The following ANO6 variants were observed in gnomAD, a reference collection of about 807,000 sequenced individuals.
ANO6 encodes the protein anoctamin-6.
In ANO6, 106 loss-of-function variants were observed where a neutral mutation model predicts 117.5. The observed-to-expected ratio is 0.90, with a 90% CI of 0.77 to 1.06. The LOEUF is 1.06. ANO6 is among the 50% of genes least tolerant of loss of function. The probability of loss-of-function intolerance (pLI) is 0.00; values close to 1 mark genes in which losing one functional copy is unlikely to be tolerated. For synonymous variants in ANO6, 367 were observed against 385.1 expected, an observed-to-expected ratio of 0.95 and a Z score of 0.55; for missense variants, 955 against 1,121.1, an observed-to-expected ratio of 0.85 and a Z score of 2.12.
intron 7 of ANO6, among the ~76,000 whole-genome samples, chr12:45,354,664 G>A (rs187623349): frequency 6.6e-6 from 1 of 152,226 alleles, no homozygotes; most frequent in Admixed American, 6.5e-5. Context: ...GGGAGAGTCT[G>A]GGGTTGAATT....
At chr12:45,247,744 T>G (rs1473564772) in intron 1 of ANO6, among the ~76,000 whole-genome samples, 2 of 152,186 alleles carry the variant, frequency 1.3e-5, no homozygotes, top group African/African-American at 4.8e-5. Flanking sequence ...TGCATGACTG[T>G]GTGAACTCCC....
intron 2 of ANO6, among the ~76,000 whole-genome samples, chr12:45,325,689 T>G (rs1028060677): frequency 6.6e-6 from 1 of 152,196 alleles, no homozygotes; most frequent in Admixed American, 6.5e-5. Context: ...ATTTATTGAC[T>G]ATTTATTGTT....
chr12:45,338,138 A>C (rs190998524), intron 3 of ANO6, among the ~76,000 whole-genome samples: 115 of 152,196 alleles, frequency 7.6e-4, no homozygotes, highest in African/African-American at 2.5e-3. Flanking sequence ...TTAGTTGCCA[A>C]AGAATATAAG....
chr12:45,332,998 A>G (rs964983227), intron 3 of ANO6, among the ~76,000 whole-genome samples: 1 of 151,886 alleles, frequency 6.6e-6, no homozygotes, highest in Non-Finnish European at 1.5e-5. Context: ...CTCTAAAATC[A>G]GTTGGATCTT....
intron 17 of ANO6, among the ~76,000 whole-genome samples, chr12:45,418,116 TATTAAC>T (rs59122639): frequency 0.054 from 8,291 of 152,234 alleles, 447 homozygotes; most frequent in East Asian, 0.31. Flanking sequence ...TCATCATTGT[TATTAAC>T]AGTAACGCTG....
At chr12:45,313,996 C>G (rs1939932195) in intron 2 of ANO6, among the ~76,000 whole-genome samples, 1 of 152,012 alleles carries the variant, frequency 6.6e-6, no homozygotes, top group Non-Finnish European at 1.5e-5. Flanking sequence ...ATACTGTTCA[C>G]CTCAGGCTCC....
At chr12:45,241,695 A>G (rs542890191) in intron 1 of ANO6, among the ~76,000 whole-genome samples, 3 of 152,014 alleles carry the variant, frequency 2.0e-5, no homozygotes, top group African/African-American at 7.2e-5. Context: ...GGTTTTATCT[A>G]CCTTTGGTCT....
chr12:45,281,662 C>T (rs531585669), intron 1 of ANO6, among the ~76,000 whole-genome samples: 1 of 152,292 alleles, frequency 6.6e-6, no homozygotes, highest in East Asian at 1.9e-4. Flanking sequence ...CCATTACCTC[C>T]CACTAGATGC....
rs1179895235 is a variant in ANO6, at chr12:45,346,650, A to T, written c.280-372A>T. Among the ~76,000 whole-genome samples, 3 of 152,224 alleles carry T rather than the reference A, an allele frequency of 2.0e-5. No individual in the cohort carries two copies. In the East Asian group the frequency reaches 5.8e-4, roughly 29 times the overall value. On this transcript the variant is annotated intron_variant, in intron 3 of 19. Coordinates refer to ENST00000320560, the MANE Select transcript of ANO6 (RefSeq NM_001025356.3). ...GGAATCTTCAACTCTGAAAACTCGT[A>T]TCAGTGAATAGGACTCAGAAAGCTC...
At chr12:45,367,849 T>C (rs1288442653) in intron 9 of ANO6, 56 bp downstream of exon 9, 12 of 1,245,600 alleles carry the variant, frequency 9.6e-6, no homozygotes, top group Admixed American at 1.7e-5. Flanking sequence ...TTTCTAATGC[T>C]AATTTAGATA....
chr12:45,365,829 T>A (rs182393599), intron 8 of ANO6, among the ~76,000 whole-genome samples: 1 of 152,312 alleles, frequency 6.6e-6, no homozygotes, highest in Admixed American at 6.5e-5. Flanking sequence ...GCTCCTCAGA[T>A]GACATGAAGC....
intron 3 of ANO6, among the ~76,000 whole-genome samples, chr12:45,344,786 A>G (rs1007616678): frequency 6.6e-6 from 1 of 152,196 alleles, no homozygotes; most frequent in African/African-American, 2.4e-5. Flanking sequence ...AAGAATCAAA[A>G]TGAGAGGATT....
At chr12:45,350,952 C>G (rs766497016) in intron 7 of ANO6, among the ~76,000 whole-genome samples, 178 bp downstream of exon 7, 2 of 152,172 alleles carry the variant, frequency 1.3e-5, no homozygotes, top group African/African-American at 2.4e-5. Flanking sequence ...TTAATTGAAT[C>G]ATTACCCATC....
chr12:45,415,227 T>C (rs891200038), intron 16 of ANO6, among the ~76,000 whole-genome samples: 2 of 152,226 alleles, frequency 1.3e-5, no homozygotes, highest in Non-Finnish European at 2.9e-5. Context: ...ATTTGTTTTT[T>C]CTTAAGTCAA....
At chr12:45,353,354 T>C (rs1026892519) in intron 7 of ANO6, among the ~76,000 whole-genome samples, 2 of 152,184 alleles carry the variant, frequency 1.3e-5, no homozygotes, top group African/African-American at 2.4e-5. Context: ...CATATGTAAA[T>C]ATTTGAGGTT....
chr12:45,410,297 A>G (rs1323078914), intron 16 of ANO6, among the ~76,000 whole-genome samples: 5 of 152,178 alleles, frequency 3.3e-5, no homozygotes, highest in Non-Finnish European at 7.4e-5. Context: ...TCTTCTGGCC[A>G]GTGGTTTCTG....
intron 2 of ANO6, among the ~76,000 whole-genome samples, chr12:45,311,163 G>A (rs895029999): frequency 7.9e-5 from 12 of 151,980 alleles, no homozygotes; most frequent in Non-Finnish European, 1.8e-4. Context: ...GCTTATCTGG[G>A]CAGTTATTCT....
At chr12:45,228,291 CTTTTTTTTTTTTTT>C (rs34786875) in intron 1 of ANO6, 1 of 162,112 alleles carries the variant, frequency 6.2e-6, no homozygotes, top group Non-Finnish European at 1.1e-5. Flanking sequence ...CCAGGCCCTC[CTTTTTTTTTTTTTT>C]TTTTTTTTTT....
intron 3 of ANO6, among the ~76,000 whole-genome samples, chr12:45,345,197 T>C (rs74083334): frequency 0.018 from 2,756 of 152,290 alleles, 78 homozygotes; most frequent in African/African-American, 0.063. Flanking sequence ...ATTAAAGATA[T>C]AAAAACAAAG....
Sources: gnomAD v4.1 joint callset for allele counts (sites outside exome capture counted in the v4.1 genomes callset) on GRCh38, gnomAD v4.1.1 for gene constraint, MANE v1.5 for transcripts, NCBI Gene and HGNC (gene_info 2026-07-23, HGNC 2026-07-21) for gene names.